Variants in SDK1 observed in about 807,000 individuals in gnomAD.
SDK1 encodes the protein sidekick cell adhesion molecule 1.
A neutral mutation model predicts 245.5 loss-of-function variants in SDK1; 157 were observed. That is an observed-to-expected ratio of 0.64 (90% confidence interval 0.56 to 0.73). The LOEUF is 0.73. SDK1 is among the 30% of genes least tolerant of loss of function. The probability of loss-of-function intolerance (pLI) is 0.00; values close to 1 mark genes in which losing one functional copy is unlikely to be tolerated. For missense variants in SDK1, 3,583 were observed against 3,002.3 expected (o/e 1.19, Z -4.52); for synonymous variants, 1,647 against 1,278.5 (o/e 1.29, Z -6.15).
intron 5 of SDK1, among the ~76,000 whole-genome samples, chr7:3,874,077 G>T (rs1781017987): frequency 6.6e-6 from 1 of 152,114 alleles, no homozygotes; most frequent in South Asian, 2.1e-4. Context: ...TCAATATTTT[G>T]TGTGGTTGGA....
intron 33 of SDK1, 44 bp from the exon 34 acceptor site, chr7:4,175,731 G>C (rs1782162497): frequency 1.3e-6 from 2 of 1,541,776 alleles, no homozygotes; most frequent in East Asian, 4.5e-5. Context: ...CGATGGCCGT[G>C]TCCCTGCGTG....
At chr7:3,641,776 C>A (rs528841152) in intron 3 of SDK1, among the ~76,000 whole-genome samples, 182 bp from the exon 4 acceptor site, 23 of 152,296 alleles carry the variant, frequency 1.5e-4, no homozygotes, top group African/African-American at 5.3e-4. Context: ...CGTGGCTTGC[C>A]CGGTGCTTCA....
At chr7:3,553,247 A>T (rs775789176) in intron 1 of SDK1, among the ~76,000 whole-genome samples, 1 of 152,194 alleles carries the variant, frequency 6.6e-6, no homozygotes, top group African/African-American at 2.4e-5. Context: ...GTTCATAGCA[A>T]TCTAGGAGGC....
At chr7:4,009,257 T>A (rs2128148195) in intron 14 of SDK1, among the ~76,000 whole-genome samples, 1 of 152,344 alleles carries the variant, frequency 6.6e-6, no homozygotes, top group East Asian at 1.9e-4. Flanking sequence ...CTCTTCAGAA[T>A]GAGAACGGTA....
chr7:3,502,801 C>G (rs977855955), intron 1 of SDK1, among the ~76,000 whole-genome samples: 1 of 152,130 alleles, frequency 6.6e-6, no homozygotes, highest in Non-Finnish European at 1.5e-5. Context: ...CGTGAGAGGG[C>G]TGTTTTTTAG....
At chr7:4,089,175 G>A (rs1415208279) in intron 22 of SDK1, among the ~76,000 whole-genome samples, 1 of 151,872 alleles carries the variant, frequency 6.6e-6, no homozygotes, top group Non-Finnish European at 1.5e-5. Flanking sequence ...ACCCTCGTGG[G>A]CATCTGCAGG....
intron 38 of SDK1, among the ~76,000 whole-genome samples, chr7:4,216,623 A>G (rs1438042103): frequency 6.6e-6 from 1 of 152,210 alleles, no homozygotes; most frequent in Non-Finnish European, 1.5e-5. Flanking sequence ...GTATATTGTG[A>G]TGACAAAATA....
chr7:3,658,456 C>T (rs1783255836), intron 4 of SDK1, among the ~76,000 whole-genome samples: 1 of 151,728 alleles, frequency 6.6e-6, no homozygotes, highest in Non-Finnish European at 1.5e-5. Flanking sequence ...GGGATACAGC[C>T]ATCTTTTAGT....
chr7:4,045,040 C>A lies in SDK1; in HGVS notation c.2603-4308C>A, dbSNP rs1411469770. Among the ~76,000 whole-genome samples, 4 of 152,278 alleles carry A rather than the reference C, an allele frequency of 2.6e-5. No homozygotes were observed. In the East Asian group the frequency reaches 5.8e-4, roughly 22 times the overall value. On this transcript the variant is annotated intron_variant, in intron 17 of 44. Coordinates refer to ENST00000404826, the MANE Select transcript of SDK1 (RefSeq NM_152744.4). ...GCATGCAGTGTGCAGTCTTCAGAAC[C>A]TGGCTTCCTTCCCTTAGTGTCATGC...
chr7:3,722,301 G>A (rs565406700), intron 4 of SDK1, among the ~76,000 whole-genome samples: 22 of 152,120 alleles, frequency 1.4e-4, no homozygotes, highest in Non-Finnish European at 2.6e-4. Context: ...AGAGAGACAG[G>A]AGCCCCAAGA....
intron 4 of SDK1, among the ~76,000 whole-genome samples, chr7:3,736,140 G>A (rs1562405720): frequency 6.6e-6 from 1 of 152,044 alleles, no homozygotes. Flanking sequence ...TCCGTAGGTT[G>A]CATTTTGACC....
intron 1 of SDK1, among the ~76,000 whole-genome samples, chr7:3,546,487 A>G (rs998079757): frequency 6.6e-6 from 1 of 152,260 alleles, no homozygotes; most frequent in South Asian, 2.1e-4. Context: ...ATTGAGAATC[A>G]TGGACACTTG....
intron 1 of SDK1, among the ~76,000 whole-genome samples, chr7:3,341,481 C>A (rs537219614): frequency 2.6e-5 from 4 of 152,240 alleles, no homozygotes; most frequent in Non-Finnish European, 4.4e-5. Context: ...CTGTCCAAAA[C>A]AGTAGTACTA....
chr7:3,739,815 A>G (rs1032290663), intron 4 of SDK1, among the ~76,000 whole-genome samples: 209 of 151,928 alleles, frequency 1.4e-3, no homozygotes, highest in African/African-American at 4.8e-3. Flanking sequence ...ATACCTTCCT[A>G]TTTCTTTGCA....
At chr7:3,755,676 C>G (rs1779901903) in intron 4 of SDK1, among the ~76,000 whole-genome samples, 1 of 152,140 alleles carries the variant, frequency 6.6e-6, no homozygotes, top group South Asian at 2.1e-4. Flanking sequence ...TCCTTCCCCC[C>G]AACCCCTCAC....
chr7:4,053,493 C>T (rs1192212808), intron 19 of SDK1, among the ~76,000 whole-genome samples: 1 of 152,140 alleles, frequency 6.6e-6, no homozygotes, highest in Non-Finnish European at 1.5e-5. Context: ...CCTTTCCCTC[C>T]TCCCACAAAT....
intron 1 of SDK1, among the ~76,000 whole-genome samples, chr7:3,437,313 T>TA (rs1401194017): frequency 2.6e-5 from 4 of 152,164 alleles, no homozygotes; most frequent in African/African-American, 9.7e-5. Context: ...GGGGTGGAAT[T>TA]AAAAAATCAG....
intron 1 of SDK1, among the ~76,000 whole-genome samples, chr7:3,441,220 AT>A (rs1583862238): frequency 6.6e-6 from 1 of 152,018 alleles, no homozygotes; most frequent in East Asian, 1.9e-4. Flanking sequence ...TTATTTTATG[AT>A]TTATAAATTA....
At chr7:3,683,308 G>A (rs967666787) in intron 4 of SDK1, among the ~76,000 whole-genome samples, 1 of 152,156 alleles carries the variant, frequency 6.6e-6, no homozygotes, top group African/African-American at 2.4e-5. Context: ...CTTAATAAAT[G>A]AATAATTATT....
Sources: gnomAD v4.1 joint callset for allele counts (sites outside exome capture counted in the v4.1 genomes callset) on GRCh38, gnomAD v4.1.1 for gene constraint, MANE v1.5 for transcripts, NCBI Gene and HGNC (gene_info 2026-07-23, HGNC 2026-07-21) for gene names.